The following EHBP1 variants were observed in gnomAD, a reference collection of about 807,000 sequenced individuals.
The protein encoded by EHBP1 is EH domain-binding protein 1.
A neutral mutation model predicts 144.0 loss-of-function variants in EHBP1; 55 were observed. The observed-to-expected ratio is 0.38, with a 90% CI of 0.31 to 0.48. The LOEUF (loss-of-function observed/expected upper bound fraction) is 0.48. Among genes scored for constraint, EHBP1 ranks in the 20% least tolerant of loss-of-function variants. EHBP1 has a pLI of 0.98. For missense variants in EHBP1, 1,200 were observed against 1,364.2 expected, an observed-to-expected ratio of 0.88 and a Z score of 1.90; for synonymous variants, 469 against 472.7, an observed-to-expected ratio of 0.99 and a Z score of 0.10.
chr2:62,950,945 A>G (rs1178105960), intron 13 of EHBP1, among the ~76,000 whole-genome samples: 1 of 152,184 alleles, frequency 6.6e-6, no homozygotes, highest in Non-Finnish European at 1.5e-5. Context: ...TTGGCCTCCC[A>G]AAGTGCTGAG....
At chr2:62,885,173 A>G (rs1331509067) in intron 10 of EHBP1, among the ~76,000 whole-genome samples, 1 of 152,196 alleles carries the variant, frequency 6.6e-6, no homozygotes, top group Non-Finnish European at 1.5e-5. Context: ...CAGATGATTG[A>G]TTTCTCCACC....
At chr2:62,914,783 C>A (rs1269469823) in intron 10 of EHBP1, among the ~76,000 whole-genome samples, 2 of 151,546 alleles carry the variant, frequency 1.3e-5, no homozygotes, top group Non-Finnish European at 2.9e-5. Flanking sequence ...AATAAATGAG[C>A]CCTTAAAAAT....
At chr2:62,805,729 C>T (rs1438153441) in intron 5 of EHBP1, among the ~76,000 whole-genome samples, 4 of 152,046 alleles carry the variant, frequency 2.6e-5, no homozygotes, top group Admixed American at 2.0e-4. Flanking sequence ...GTTGGCCAGG[C>T]TGGTCTCAAG....
At chr2:63,033,635 A>C (rs1293969677) in intron 19 of EHBP1, among the ~76,000 whole-genome samples, 1 of 152,156 alleles carries the variant, frequency 6.6e-6, no homozygotes, top group Non-Finnish European at 1.5e-5. Flanking sequence ...CAGTTTTTAA[A>C]ACATTCATAA....
At position 62,948,329 on chromosome 2, in the gene EHBP1, A is replaced by G; in HGVS notation, c.1483A>G (p.Ile495Val). 1.9e-6 allele frequency: 3 copies of G among 1,610,452 alleles called. No homozygotes were observed. The highest frequency in any genetic ancestry group is 2.5e-6 in the Non-Finnish European group (3 of 1,178,576). Reference sequence around the variant, plus strand: ...ACCTTCTGATATGGTATTATTAGCAATTCCTGATAAACTGACTGTTATGAC... The same window carrying G: ...ACCTTCTGATATGGTATTATTAGCAGTTCCTGATAAACTGACTGTTATGAC... ...LEPSDMVLLA[I>V]PDKLTVMTYL... Residue 495 changes from isoleucine (I) to valine (V), a missense_variant, in exon 13 of 23, where the codon ATT (isoleucine) becomes GTT (valine). By Grantham distance (29) the Ile-to-Val change is conservative. Coordinates refer to ENST00000431489, the MANE Select transcript of EHBP1 (RefSeq NM_001142616.3).
chr2:62,779,337 A>G (rs1271453513), intron 5 of EHBP1, among the ~76,000 whole-genome samples: 1 of 152,146 alleles, frequency 6.6e-6, no homozygotes, highest in Non-Finnish European at 1.5e-5. Context: ...ATTTATCTGT[A>G]TTTGTTAGTA....
intron 15 of EHBP1, among the ~76,000 whole-genome samples, chr2:62,986,447 T>C (rs1261521978): frequency 2.0e-5 from 3 of 150,716 alleles, no homozygotes; most frequent in African/African-American, 7.3e-5. Flanking sequence ...TTTTTCCTTT[T>C]TTTTTTTTTT....
chr2:62,683,769 C>T (rs1023559119), intron 1 of EHBP1, among the ~76,000 whole-genome samples: 2 of 151,364 alleles, frequency 1.3e-5, no homozygotes, highest in Non-Finnish European at 2.9e-5. Flanking sequence ...TGGGCAAAAC[C>T]ACAGATGTCT....
chr2:63,030,371 A>G (rs1383605703), intron 19 of EHBP1, among the ~76,000 whole-genome samples: 2 of 152,170 alleles, frequency 1.3e-5, no homozygotes, highest in African/African-American at 2.4e-5. Context: ...ATAAATGCTT[A>G]TAAATATCTG....
intron 5 of EHBP1, among the ~76,000 whole-genome samples, chr2:62,822,964 T>G (rs1389590739): frequency 6.6e-6 from 1 of 152,092 alleles, no homozygotes; most frequent in Non-Finnish European, 1.5e-5. Context: ...TTTAAATAAT[T>G]TTGTGTAAGA....
At chr2:62,991,992 A>G (rs1039101375) in intron 16 of EHBP1, among the ~76,000 whole-genome samples, 1 of 152,218 alleles carries the variant, frequency 6.6e-6, no homozygotes, top group African/African-American at 2.4e-5. Flanking sequence ...AGCTTTCTGC[A>G]GTGGATTTAA....
At chr2:62,719,553 G>A (rs2036009821) in intron 2 of EHBP1, among the ~76,000 whole-genome samples, 1 of 152,164 alleles carries the variant, frequency 6.6e-6, no homozygotes. Flanking sequence ...GCATCTGTTG[G>A]AAACCACACA....
chr2:62,869,890 G>A (rs2050326917), intron 9 of EHBP1, among the ~76,000 whole-genome samples: 1 of 152,108 alleles, frequency 6.6e-6, no homozygotes, highest in Non-Finnish European at 1.5e-5. Flanking sequence ...GAATTCTTGG[G>A]CCTTTAGGTC....
At chr2:62,807,548 C>CA (rs200466209) in intron 5 of EHBP1, among the ~76,000 whole-genome samples, 8 of 150,804 alleles carry the variant, frequency 5.3e-5, no homozygotes, top group East Asian at 3.9e-4. Flanking sequence ...AACTCCGCCT[C>CA]AAAAAAAACA....
chr2:62,896,435 A>G (rs2052942549), intron 10 of EHBP1, among the ~76,000 whole-genome samples: 1 of 152,098 alleles, frequency 6.6e-6, no homozygotes, highest in Admixed American at 6.6e-5. Context: ...AAGTTAGTGT[A>G]TGTATGTATT....
At chr2:62,826,988 A>G (rs1198655023) in intron 6 of EHBP1, among the ~76,000 whole-genome samples, 2 of 152,226 alleles carry the variant, frequency 1.3e-5, no homozygotes, top group Non-Finnish European at 2.9e-5. Context: ...TGGAAGATGA[A>G]GAGACAGGAG....
intron 1 of EHBP1, among the ~76,000 whole-genome samples, chr2:62,698,715 T>C (rs990665909): frequency 1.3e-5 from 2 of 152,224 alleles, no homozygotes; most frequent in African/African-American, 4.8e-5. Context: ...CAGTCACTAA[T>C]TGGGTGACTT....
At chr2:62,974,237 G>A (rs979555471) in intron 14 of EHBP1, among the ~76,000 whole-genome samples, 1 of 152,050 alleles carries the variant, frequency 6.6e-6, no homozygotes, top group African/African-American at 2.4e-5. Context: ...CTTTTTTGAG[G>A]CAGGGTCTTG....
At chr2:62,974,775 G>A (rs775505747) in intron 14 of EHBP1, among the ~76,000 whole-genome samples, 13 of 152,168 alleles carry the variant, frequency 8.5e-5, no homozygotes, top group Non-Finnish European at 1.6e-4. Flanking sequence ...TGCTAGATTC[G>A]TGGTCCCTAA....
Sources: allele counts gnomAD v4.1 joint callset (sites outside exome capture counted in the v4.1 genomes callset), GRCh38; gene constraint gnomAD v4.1.1; transcripts MANE v1.5; gene names NCBI Gene and HGNC (gene_info 2026-07-23, HGNC 2026-07-21).